Variants in PRKN observed in about 807,000 individuals in gnomAD.
PRKN encodes the protein E3 ubiquitin-protein ligase parkin.
Under a neutral mutation model 59.5 loss-of-function variants are expected in PRKN, and 56 were observed. The ratio of observed to expected loss-of-function variants is 0.94; its 90% confidence interval spans 0.76 to 1.18. The LOEUF (loss-of-function observed/expected upper bound fraction) is 1.18. Among genes scored for constraint, PRKN ranks in the 50% most tolerant of loss-of-function variants. The probability of loss-of-function intolerance (pLI) is 0.00; values close to 1 mark genes in which losing one functional copy is unlikely to be tolerated. For synonymous variants in PRKN, 250 were observed against 222.1 expected, an observed-to-expected ratio of 1.13 and a Z score of -1.12; for missense variants, 657 against 596.4, an observed-to-expected ratio of 1.10 and a Z score of -1.06.
intron 1 of PRKN, among the ~76,000 whole-genome samples, chr6:162,709,595 A>C (rs1237869088): frequency 6.6e-6 from 1 of 152,198 alleles, no homozygotes; most frequent in East Asian, 1.9e-4. Context: ...AATTGATGCC[A>C]ATATGCTGGT....
intron 3 of PRKN, among the ~76,000 whole-genome samples, chr6:162,255,609 A>G (rs143604715): frequency 6.6e-5 from 10 of 152,274 alleles, no homozygotes; most frequent in African/African-American, 2.4e-4. Context: ...TTGGACTGCA[A>G]GAAAGTAAAT....
At chr6:161,438,054 G>C (rs1562449353) in intron 9 of PRKN, among the ~76,000 whole-genome samples, 1 of 152,070 alleles carries the variant, frequency 6.6e-6, no homozygotes, top group Non-Finnish European at 1.5e-5. Flanking sequence ...CAGGATGATG[G>C]TATGTGGGTC....
intron 5 of PRKN, among the ~76,000 whole-genome samples, chr6:162,042,112 T>TGAA (rs1784088254): frequency 6.6e-6 from 1 of 152,054 alleles, no homozygotes; most frequent in Admixed American, 6.5e-5. Flanking sequence ...TTCTTCTCCA[T>TGAA]TTATATTTGC....
intron 7 of PRKN, among the ~76,000 whole-genome samples, chr6:161,760,380 A>G (rs1789143857): frequency 1.3e-5 from 2 of 151,158 alleles, no homozygotes; most frequent in African/African-American, 4.9e-5. Flanking sequence ...ACATATAAGT[A>G]AAACAACACC....
chr6:161,500,207 GCTCCCCT>G (rs889484962), intron 9 of PRKN, among the ~76,000 whole-genome samples: 1 of 152,144 alleles, frequency 6.6e-6, no homozygotes. Flanking sequence ...AGTACAGAGA[GCTCCCCT>G]CTCCCCTCTC....
chr6:162,709,998 G>C (rs1000804956), intron 1 of PRKN, among the ~76,000 whole-genome samples: 16 of 152,246 alleles, frequency 1.1e-4, no homozygotes, highest in Middle Eastern at 3.4e-3. Context: ...CGTGGATATT[G>C]CTCACTCATT....
intron 7 of PRKN, among the ~76,000 whole-genome samples, chr6:161,587,651 CT>C: frequency 6.6e-6 from 1 of 151,496 alleles, no homozygotes; most frequent in East Asian, 1.9e-4. Flanking sequence ...TAAAAAAAAA[CT>C]TTTATTTCTA....
chr6:161,565,695 A>T (rs530335084), intron 8 of PRKN, among the ~76,000 whole-genome samples: 12 of 152,258 alleles, frequency 7.9e-5, no homozygotes, highest in African/African-American at 2.2e-4. Flanking sequence ...TCTTTCCTTT[A>T]TAAGTTACCC....
intron 4 of PRKN, among the ~76,000 whole-genome samples, chr6:162,171,091 A>G (rs943212868): frequency 2.6e-5 from 4 of 152,004 alleles, no homozygotes; most frequent in Middle Eastern, 3.2e-3. Flanking sequence ...CCACTGGGAT[A>G]CTGCGGTTGA....
intron 5 of PRKN, 123 bp downstream of exon 5, chr6:162,053,968 T>G: frequency 3.8e-6 from 3 of 796,202 alleles, no homozygotes; most frequent in Non-Finnish European, 6.8e-6. Flanking sequence ...ATCATAACAC[T>G]TTTGGCAAAC....
intron 7 of PRKN, among the ~76,000 whole-genome samples, chr6:161,619,491 ATAAC>A (rs1314105586): frequency 1.3e-5 from 2 of 152,338 alleles, no homozygotes; most frequent in Non-Finnish European, 2.9e-5. Flanking sequence ...CTATATAACA[ATAAC>A]TAACATTTAC....
Position 161,363,059 on chromosome 6 carries a change from T to G in PRKN, c.1168-2854A>C, listed in dbSNP as rs1239506952. ...GTGTTCAAGACCAGCCTGGCCAACA[T>G]GGTGAAACCTCGTCTCTGCTAAAAA... On this transcript the variant is annotated intron_variant, in intron 10 of 11. Coordinates refer to ENST00000366898, the MANE Select transcript of PRKN (RefSeq NM_004562.3). This position sits in a 1 kb window ranked among gnomAD's most constrained non-coding sequence, Gnocchi z 4.1. 2.6e-5 allele frequency among the ~76,000 whole-genome samples: 4 copies of G among 152,044 alleles called. No homozygotes were observed. Among genetic ancestry groups the G allele is most frequent in the Admixed American group, 2.6e-4 (4 of 15,258 alleles).
intron 2 of PRKN, among the ~76,000 whole-genome samples, chr6:162,393,944 CA>C (rs1251454735): frequency 1.3e-5 from 2 of 152,112 alleles, no homozygotes; most frequent in African/African-American, 2.4e-5. Context: ...ATTATATGGT[CA>C]TTTTGATTAC....
intron 1 of PRKN, among the ~76,000 whole-genome samples, chr6:162,498,615 T>G (rs908652666): frequency 6.6e-6 from 1 of 151,464 alleles, no homozygotes; most frequent in African/African-American, 2.4e-5. Flanking sequence ...CTGGCTAATT[T>G]TGTATTTTTA....
At chr6:161,885,549 C>T (rs1480635070) in intron 6 of PRKN, among the ~76,000 whole-genome samples, 1 of 151,774 alleles carries the variant, frequency 6.6e-6, no homozygotes, top group Non-Finnish European at 1.5e-5. Flanking sequence ...CCTGTAGTCC[C>T]AGCTGCTCGG....
chr6:161,970,212 T>G (rs2128250992), intron 6 of PRKN, among the ~76,000 whole-genome samples: 1 of 151,868 alleles, frequency 6.6e-6, no homozygotes, highest in African/African-American at 2.4e-5. Context: ...TGGCTAATTT[T>G]TATATTTTTT....
Position 161,467,014 on chromosome 6 carries a change from T to C in PRKN, c.1084-80137A>G, listed in dbSNP as rs911989411. 1.3e-5 allele frequency among the ~76,000 whole-genome samples: 2 copies of C among 152,196 alleles called. No individual in the cohort carries two copies. The highest frequency in any genetic ancestry group is 2.9e-5 in the Non-Finnish European group (2 of 68,034). On this transcript the variant is annotated intron_variant, in intron 9 of 11. Transcript: ENST00000366898. The surrounding 1 kb of genome is among the most constrained non-coding windows in gnomAD (Gnocchi z 4.3). ...TCGCGTCCTTATATACAAGCCAACTTCTCTCTGCAGAATGTTCTACATCCC... is the reference window on the plus strand; with the variant it reads ...TCGCGTCCTTATATACAAGCCAACTCCTCTCTGCAGAATGTTCTACATCCC...
intron 4 of PRKN, among the ~76,000 whole-genome samples, chr6:162,079,577 C>T (rs1261846682): frequency 6.6e-6 from 1 of 151,976 alleles, no homozygotes; most frequent in African/African-American, 2.4e-5. Context: ...CCTGTTTAAA[C>T]CCCTCTCATG....
At chr6:162,147,344 GAAAAAAAAAAA>G (rs767653516) in intron 4 of PRKN, among the ~76,000 whole-genome samples, 14 of 42,068 alleles carry the variant, frequency 3.3e-4, no homozygotes, top group African/African-American at 3.8e-4. Context: ...CTCTGTCTCA[GAAAAAAAAAAA>G]AAAAAAAAAA....
Sources: allele counts gnomAD v4.1 joint callset (sites outside exome capture counted in the v4.1 genomes callset), GRCh38; gene constraint gnomAD v4.1.1; non-coding constraint Gnocchi (gnomAD v3.1); transcripts MANE v1.5; gene names NCBI Gene and HGNC (gene_info 2026-07-23, HGNC 2026-07-21).